DAAM1: variants seen among roughly 807,000 people sequenced by gnomAD.
DAAM1 encodes dishevelled associated activator of morphogenesis 1, also known as disheveled-associated activator of morphogenesis 1.
DAAM1 carries 52 observed loss-of-function variants against 130.0 expected under a neutral mutation model. That is an observed-to-expected ratio of 0.40 (90% CI 0.32 to 0.50). The LOEUF (loss-of-function observed/expected upper bound fraction) is 0.50. DAAM1 is among the 20% of genes least tolerant of loss of function. The pLI is 0.61. For missense variants in DAAM1, 1,134 were observed against 1,303.8 expected (o/e 0.87, Z 2.01); for synonymous variants, 452 against 444.5 (o/e 1.02, Z -0.21).
chr14:59,226,414 C>T (rs1451656322), intron 1 of DAAM1, among the ~76,000 whole-genome samples: 1 of 152,118 alleles, frequency 6.6e-6, no homozygotes, highest in Non-Finnish European at 1.5e-5. Context: ...GAATATGGGG[C>T]AGTCTTTGTA....
intron 1 of DAAM1, among the ~76,000 whole-genome samples, chr14:59,234,832 A>C (rs1396944160): frequency 1.3e-5 from 2 of 152,124 alleles, no homozygotes; most frequent in Non-Finnish European, 2.9e-5. Flanking sequence ...TTTTAGCTTT[A>C]TTGAGAGTTT....
chr14:59,338,024 CA>C (rs751834686), intron 15 of DAAM1, among the ~76,000 whole-genome samples: 2 of 152,172 alleles, frequency 1.3e-5, no homozygotes, highest in Non-Finnish European at 2.9e-5. Context: ...GTAAAATCAT[CA>C]TGTTGAATAA....
intron 1 of DAAM1, among the ~76,000 whole-genome samples, chr14:59,213,076 G>C (rs1024911112): frequency 6.6e-6 from 1 of 151,584 alleles, no homozygotes; most frequent in South Asian, 2.1e-4. Flanking sequence ...ATTAGAAATC[G>C]TTAGTCTTTC....
chr14:59,354,572 C>T (rs1057207704), intron 19 of DAAM1, among the ~76,000 whole-genome samples: 1 of 152,156 alleles, frequency 6.6e-6, no homozygotes, highest in Non-Finnish European at 1.5e-5. Context: ...TTAGCTTCCT[C>T]ACAACAGAGC....
chr14:59,243,129 C>T (rs1881203950), intron 1 of DAAM1, among the ~76,000 whole-genome samples: 2 of 152,060 alleles, frequency 1.3e-5, no homozygotes, highest in South Asian at 2.1e-4. Flanking sequence ...TGGGCTGTGA[C>T]CTTGTTAGTG....
intron 22 of DAAM1, 111 bp from the exon 23 acceptor site, chr14:59,363,540 G>A: frequency 6.8e-7 from 1 of 1,462,274 alleles, no homozygotes; most frequent in Non-Finnish European, 9.3e-7. Flanking sequence ...AAGTTTTGAT[G>A]TGTTTGCCAT....
At chr14:59,291,186 A>G (rs1464559633) in intron 2 of DAAM1, 31 bp from the exon 3 acceptor site, 51 of 1,560,892 alleles carry the variant, frequency 3.3e-5, no homozygotes, top group Non-Finnish European at 4.3e-5. Context: ...TGTTTATCCT[A>G]TGAAACACTA....
At chr14:59,342,662 C>T (rs534051377) in intron 16 of DAAM1, among the ~76,000 whole-genome samples, 1 of 152,290 alleles carries the variant, frequency 6.6e-6, no homozygotes, top group Admixed American at 6.5e-5. Context: ...GATAACGTTG[C>T]TGCCTTTGAA....
chr14:59,370,594 C>T lies in DAAM1; in HGVS notation c.*1735C>T, dbSNP rs981185577. ...CAAGAGCTGTGGTTTTACATCTTTT[C>T]CTCATTGCAAATTTAGTGACTTTCT... On this transcript the variant is annotated 3_prime_UTR_variant, in exon 25 of 25. Transcript: ENST00000360909. The T allele has an allele frequency of 3.3e-5, 5 of 152,066 alleles. No individual in the cohort carries two copies. Among genetic ancestry groups the T allele is most frequent in the African/African-American group, 1.2e-4 (5 of 41,402 alleles). The allele number at this position is 152,066 out of a possible 1,614,324, so 9.4% of individuals were successfully genotyped here.
intron 23 of DAAM1, among the ~76,000 whole-genome samples, chr14:59,364,135 A>C (rs1886822011): frequency 1.3e-5 from 2 of 152,178 alleles, no homozygotes; most frequent in African/African-American, 4.8e-5. Flanking sequence ...GAACCAGAAA[A>C]GAGTAGATGA....
chr14:59,354,351 C>T lies in DAAM1; in HGVS notation c.2356+387C>T, dbSNP rs181461923. On this transcript the variant is annotated intron_variant, in intron 19 of 24. Transcript: ENST00000360909. ...CTGGGATTACAGGCGTGAGCCACTG[C>T]GCCTGGCCTGGTGATTTTTTATTTT... 6.3e-3 allele frequency among the ~76,000 whole-genome samples: 952 copies of T among 152,274 alleles called. 23 individuals are homozygous for T. The highest frequency in any genetic ancestry group is 0.047 in the Admixed American group (717 of 15,292).
At chr14:59,326,672 C>T (rs924136921) in intron 11 of DAAM1, 24 bp downstream of exon 11, 8 of 1,606,566 alleles carry the variant, frequency 5.0e-6, no homozygotes, top group Non-Finnish European at 6.8e-6. Context: ...TATTCTGCTG[C>T]TGTGAGATAA....
intron 17 of DAAM1, among the ~76,000 whole-genome samples, chr14:59,348,396 C>T (rs939996862): frequency 2.6e-5 from 4 of 151,854 alleles, no homozygotes; most frequent in Admixed American, 1.3e-4. Flanking sequence ...TGATCTCGCA[C>T]ATATTCTAGG....
chr14:59,283,285 T>C (rs1469724226), intron 2 of DAAM1, among the ~76,000 whole-genome samples: 3 of 152,132 alleles, frequency 2.0e-5, no homozygotes. Flanking sequence ...GTCACCATTA[T>C]TTTCCCATTC....
Position 59,246,705 on chromosome 14 carries a change from C to T in DAAM1, c.-37-16736C>T, listed in dbSNP as rs139184444. On this transcript the variant is annotated intron_variant, in intron 1 of 24. Coordinates refer to ENST00000360909, the MANE Select transcript of DAAM1 (RefSeq NM_001270520.2). ...TCCAGTTTCTCCACATCCTTGCCAA[C>T]GCTTGTTATTTTCTGGTTTTTTGTT... Among the ~76,000 whole-genome samples the T allele has an allele frequency of 7.8e-3, 1,193 of 152,206 alleles. 8 individuals carry two copies. Among genetic ancestry groups the T allele is most frequent in the Non-Finnish European group, 0.011 (720 of 67,984 alleles).
At chr14:59,210,032 G>T (rs1888380047) in intron 1 of DAAM1, among the ~76,000 whole-genome samples, 1 of 152,128 alleles carries the variant, frequency 6.6e-6, no homozygotes, top group Admixed American at 6.5e-5. Flanking sequence ...GCTACTTGGG[G>T]TGTGTGGGCT....
At chr14:59,299,616 G>A (rs1884092801) in intron 3 of DAAM1, 1 of 152,096 alleles carries the variant, frequency 6.6e-6, no homozygotes, top group South Asian at 2.1e-4. Flanking sequence ...AGTGTTGAAC[G>A]GCAGGATATT....
chr14:59,365,244 A>G (rs1886872361), intron 23 of DAAM1, among the ~76,000 whole-genome samples: 1 of 152,188 alleles, frequency 6.6e-6, no homozygotes, highest in Non-Finnish European at 1.5e-5. Flanking sequence ...AGATTTTGAT[A>G]TACATGACGT....
At chr14:59,250,528 T>C (rs1343231650) in intron 1 of DAAM1, among the ~76,000 whole-genome samples, 2 of 152,168 alleles carry the variant, frequency 1.3e-5, no homozygotes, top group Non-Finnish European at 2.9e-5. Flanking sequence ...AAGGAGTTAT[T>C]GAGGTGTATA....
Sources: gnomAD v4.1 joint callset for allele counts (sites outside exome capture counted in the v4.1 genomes callset) on GRCh38, gnomAD v4.1.1 for gene constraint, MANE v1.5 for transcripts, NCBI Gene and HGNC (gene_info 2026-07-23, HGNC 2026-07-21) for gene names.